TEX14: variants seen among roughly 807,000 people sequenced by gnomAD.
The protein encoded by TEX14 is inactive serine/threonine-protein kinase TEX14.
TEX14 carries 168 observed loss-of-function variants against 178.6 expected under a neutral mutation model. The ratio of observed to expected loss-of-function variants is 0.94; its 90% confidence interval spans 0.83 to 1.07. The LOEUF is 1.07. TEX14 is among the 50% of genes least tolerant of loss of function. TEX14 has a pLI of 0.00. For missense variants in TEX14, 1,730 were observed against 1,753.6 expected, an observed-to-expected ratio of 0.99 and a Z score of 0.24; for synonymous variants, 626 against 634.1, an observed-to-expected ratio of 0.99 and a Z score of 0.19.
chr17:58,630,403 AC>A (rs1740146150), intron 3 of TEX14, 36 bp downstream of exon 3: 1 of 1,445,468 alleles, frequency 6.9e-7, no homozygotes, highest in African/African-American at 1.4e-5. Context: ...TAACAGCACA[AC>A]CCCTATTTTC....
At chr17:58,657,715 A>T (rs1419565079) in intron 1 of TEX14, among the ~76,000 whole-genome samples, 1 of 151,924 alleles carries the variant, frequency 6.6e-6, no homozygotes, top group East Asian at 1.9e-4. Context: ...GTCCTTGTTC[A>T]TTCCCGGGTG....
intron 28 of TEX14, 76 bp downstream of exon 28, chr17:58,564,793 G>T: frequency 2.4e-6 from 2 of 845,716 alleles, no homozygotes; most frequent in South Asian, 2.1e-5. Context: ...TTTCTTATTT[G>T]TCAATATTAG....
intron 10 of TEX14, among the ~76,000 whole-genome samples, chr17:58,605,987 T>G (rs1198427757): frequency 6.6e-6 from 1 of 152,196 alleles, no homozygotes; most frequent in Non-Finnish European, 1.5e-5. Flanking sequence ...GTAAACTCTT[T>G]CAAGAGCCCT....
chr17:58,661,601 T>C (rs1407470822), intron 1 of TEX14: 2 of 713,990 alleles, frequency 2.8e-6, no homozygotes, highest in Non-Finnish European at 5.1e-6. Flanking sequence ...AGCTGCCATC[T>C]TGGGAAGGCT....
At chr17:58,600,177 A>C (rs750109181) in intron 13 of TEX14, among the ~76,000 whole-genome samples, 4 of 152,128 alleles carry the variant, frequency 2.6e-5, no homozygotes, top group Non-Finnish European at 5.9e-5. Flanking sequence ...TTTTCACACA[A>C]AAGAGTTTGA....
chr17:58,687,189 G>A (rs535974403), intron 1 of TEX14, among the ~76,000 whole-genome samples: 42 of 152,174 alleles, frequency 2.8e-4, no homozygotes, highest in African/African-American at 1.0e-3. Flanking sequence ...TCACTCCCTG[G>A]CACTGAGGTT....
chr17:58,601,758 AGAACACATT>A (rs1320708755), intron 13 of TEX14, 39 bp downstream of exon 13: 1 of 1,574,024 alleles, frequency 6.4e-7, no homozygotes, highest in African/African-American at 1.4e-5. Context: ...TGTGACTCTC[AGAACACATT>A]TGTGTCAAAC....
chr17:58,638,358 A>T (rs568610411), intron 2 of TEX14, among the ~76,000 whole-genome samples: 1,034 of 22,584 alleles, frequency 0.046, 10 homozygotes, highest in African/African-American at 0.18. Context: ...CAATAAATTA[A>T]AAAAAAAAAA....
intron 1 of TEX14, chr17:58,679,680 C>T (rs908731550): frequency 1.3e-5 from 2 of 152,252 alleles, no homozygotes; most frequent in Admixed American, 6.6e-5. Flanking sequence ...TTTCCCTTGC[C>T]AGTTAAGTAT....
At chr17:58,666,659 A>C (rs536668753) in intron 1 of TEX14, 1 of 152,018 alleles carries the variant, frequency 6.6e-6, no homozygotes, top group Non-Finnish European at 1.5e-5. Flanking sequence ...GGGAAAAACC[A>C]CCTCCATAAT....
At position 58,556,988 on chromosome 17, in the gene TEX14, G is replaced by A; in HGVS notation, c.*23C>T. The stretch of plus-strand genomic sequence containing the variant: ...CAGGACACTCAAACTCAGGCCAGGA[G>A]TCCGTCTATGATCCAATTCCAATCA... On this transcript the variant is annotated 3_prime_UTR_variant, in exon 32 of 32. Transcript: ENST00000349033. 6.2e-7 allele frequency: 1 copy of A among 1,605,062 alleles called. No individual in the cohort carries two copies. The highest frequency in any genetic ancestry group is 8.5e-7 in the Non-Finnish European group (1 of 1,171,730).
At chr17:58,598,282 C>A (rs1023229993) in intron 14 of TEX14, among the ~76,000 whole-genome samples, 1 of 150,696 alleles carries the variant, frequency 6.6e-6, no homozygotes, top group African/African-American at 2.4e-5. Context: ...CCACTGCACT[C>A]CAGCCTGGGC....
chr17:58,685,778 G>A (rs2047580210), intron 1 of TEX14, among the ~76,000 whole-genome samples: 1 of 151,434 alleles, frequency 6.6e-6, no homozygotes, highest in African/African-American at 2.4e-5. Context: ...GATCACCTGA[G>A]GTCAGGAGTT....
At position 58,601,916 on chromosome 17, in the gene TEX14, G is replaced by A; in HGVS notation, c.1568C>T (p.Pro523Leu). ...ATGGAGTCCGTATCTCTGCACTCTGGGGCTCTCGGTTGGTTGAGTTCTCTG... is the reference window on the plus strand; with the variant it reads ...ATGGAGTCCGTATCTCTGCACTCTGAGGCTCTCGGTTGGTTGAGTTCTCTG... ...GAQRTQPTES[P>L]RVQRYGLHPD... is the part of the protein sequence containing the mutation. The change falls in exon 13 of 32, where the codon CCC becomes CTC. Residue 523 changes from proline to leucine, a missense_variant. By Grantham distance (98) the Pro-to-Leu change is moderately conservative (BLOSUM62 -3). Around this residue, in one of 2 missense-constraint regions of TEX14, gnomAD observed 789 missense variants for 681.2 expected, o/e 1.16. Coordinates refer to ENST00000349033, the MANE Select transcript of TEX14 (RefSeq NM_031272.5). The A allele has an allele frequency of 4.3e-6, 7 of 1,613,230 alleles. No individual in the cohort carries two copies. Among genetic ancestry groups the A allele is most frequent in the Non-Finnish European group, 5.1e-6 (6 of 1,179,992 alleles).
chr17:58,586,481 A>G (rs9907940), intron 17 of TEX14, among the ~76,000 whole-genome samples: 96,730 of 152,062 alleles, frequency 0.64, 31,139 homozygotes, highest in African/African-American at 0.71. Context: ...TATTTTTGGA[A>G]TGCATACATA....
intron 3 of TEX14, among the ~76,000 whole-genome samples, chr17:58,629,379 G>A (rs1019819719): frequency 6.6e-6 from 1 of 151,584 alleles, no homozygotes; most frequent in East Asian, 1.9e-4. Context: ...GCTTGCAGCC[G>A]GGTGGCAGAG....
chr17:58,639,689 A>G (rs1435800731), intron 2 of TEX14, among the ~76,000 whole-genome samples: 3 of 152,150 alleles, frequency 2.0e-5, no homozygotes, highest in Non-Finnish European at 4.4e-5. Flanking sequence ...GGTTCTGGTA[A>G]AGGTGCCTGG....
chr17:58,620,383 G>A (rs975928922), intron 5 of TEX14, among the ~76,000 whole-genome samples: 2 of 152,132 alleles, frequency 1.3e-5, no homozygotes, highest in Admixed American at 6.5e-5. Flanking sequence ...AGTTTGGAGT[G>A]CAGTTGCATG....
At chr17:58,557,660 A>G in intron 31 of TEX14, 139 bp downstream of exon 31, 1 of 638,286 alleles carries the variant, frequency 1.6e-6, no homozygotes, top group South Asian at 2.3e-5. Flanking sequence ...AAACACTAAC[A>G]TTTTAAAAAT....
Sources: gnomAD v4.1 joint callset for allele counts (sites outside exome capture counted in the v4.1 genomes callset) on GRCh38, gnomAD v4.1.1 for gene constraint, gnomAD v4.1.1 regional missense constraint, MANE v1.5 for transcripts, NCBI Gene and HGNC (gene_info 2026-07-23, HGNC 2026-07-21) for gene names.